Variants in PREX2 observed in about 807,000 individuals in gnomAD.
PREX2 encodes the protein phosphatidylinositol-3,4,5-trisphosphate dependent Rac exchange factor 2.
Under a neutral mutation model 203.2 loss-of-function variants are expected in PREX2, and 107 were observed. The ratio of observed to expected loss-of-function variants is 0.53; its 90% CI spans 0.45 to 0.62. PREX2 has a LOEUF of 0.62. Ranked by LOEUF, PREX2 falls within the 20% of genes least tolerant of loss-of-function variation. The pLI is 0.00. For synonymous variants in PREX2, 672 were observed against 663.6 expected, an observed-to-expected ratio of 1.01 and a Z score of -0.19; for missense variants, 1,777 against 1,955.9, an observed-to-expected ratio of 0.91 and a Z score of 1.72.
At chr8:68,148,023 A>C (rs1206408485) in intron 34 of PREX2, among the ~76,000 whole-genome samples, 1 of 152,020 alleles carries the variant, frequency 6.6e-6, no homozygotes, top group East Asian at 1.9e-4. Flanking sequence ...GAGGCAGGTG[A>C]ATCACCTGAG....
chr8:68,007,795 G>C (rs1807139167), intron 1 of PREX2, among the ~76,000 whole-genome samples: 1 of 152,142 alleles, frequency 6.6e-6, no homozygotes, highest in South Asian at 2.1e-4. Flanking sequence ...ATTTTTAGTA[G>C]AGACGGGGTT....
At chr8:67,995,986 C>T (rs1455135796) in intron 1 of PREX2, among the ~76,000 whole-genome samples, 7 of 152,102 alleles carry the variant, frequency 4.6e-5, no homozygotes, top group African/African-American at 1.4e-4. Context: ...CTCACCAATA[C>T]TTGGTATTGT....
intron 35 of PREX2, among the ~76,000 whole-genome samples, chr8:68,175,103 G>A (rs977578393): frequency 8.5e-5 from 13 of 152,302 alleles, no homozygotes; most frequent in South Asian, 4.1e-4. Context: ...TGAGATGCCC[G>A]AGGAGCACAG....
chr8:68,080,587 T>C lies in PREX2; in HGVS notation c.1785+2T>C, dbSNP rs767357900. On this transcript the variant is annotated splice_donor_variant, in intron 16 of 39. Transcript: ENST00000288368. LOFTEE classifies it high-confidence loss of function. ...AATGTTATAGCTAAGTCATTATTGGTAAGTTTATTGATATGTTATATAAGT... is the reference window on the plus strand; with the variant it reads ...AATGTTATAGCTAAGTCATTATTGGCAAGTTTATTGATATGTTATATAAGT... 6.3e-7 allele frequency: 1 copy of C among 1,594,432 alleles called. No individual in the cohort carries two copies. The highest frequency in any genetic ancestry group is 2.2e-5 in the East Asian group (1 of 44,690).
chr8:68,214,438 G>A (rs868345520), intron 37 of PREX2, among the ~76,000 whole-genome samples: 6 of 152,124 alleles, frequency 3.9e-5, no homozygotes, highest in Non-Finnish European at 8.8e-5. Context: ...AGGGTTCCTG[G>A]CCTTTAATAT....
intron 1 of PREX2, among the ~76,000 whole-genome samples, chr8:67,992,918 T>G (rs1806650313): frequency 6.6e-6 from 1 of 152,220 alleles, no homozygotes; most frequent in African/African-American, 2.4e-5. Flanking sequence ...AAACTTCAGC[T>G]GAACATAATT....
rs1343626584 is a variant in PREX2 at position 68,232,893 on chromosome 8, C to T, written c.*1515C>T. The T allele has an allele frequency of 1.3e-5, 2 of 152,224 alleles. No homozygotes were observed. The highest frequency in any genetic ancestry group is 2.9e-5 in the Non-Finnish European group (2 of 68,040). 9.4% of individuals were successfully genotyped at this position (152,224 alleles called of 1,614,324 possible). A position where few individuals can be genotyped will look rare whatever the true frequency, so the allele number is the denominator to read the frequency against. On this transcript the variant is annotated 3_prime_UTR_variant, in exon 40 of 40. Transcript: ENST00000288368. ...TCAGCCTCCCAAAGTGCTAGGATTA[C>T]AGGCGTGAGCCGCTGCTCCCGGCCC... is the stretch of plus-strand genomic sequence containing the variant.
intron 31 of PREX2, among the ~76,000 whole-genome samples, chr8:68,130,232 G>T (rs1810978412): frequency 6.6e-6 from 1 of 152,072 alleles, no homozygotes; most frequent in Non-Finnish European, 1.5e-5. Context: ...TGAACCTGCA[G>T]TGAGCTATGA....
Position 68,093,655 on chromosome 8 carries a change from C to A in PREX2, c.2301C>A (p.Asp767Glu), listed in dbSNP as rs1809962436. 1 of 1,611,780 alleles carries A rather than the reference C, an allele frequency of 6.2e-7. No homozygotes were observed. The highest frequency in any genetic ancestry group is 8.5e-7 in the Non-Finnish European group (1 of 1,178,122). ...ATAGCATTGAGAGTGCTCAAGAAGA[C>A]CTTCAAAAATCTCACTCCAAGCCCC... ...VYNSIESAQE[D>E]LQKSHSKPPG... Residue 767 changes from aspartate (D) to glutamate (E), a missense_variant, in exon 21 of 40, where the codon GAC (aspartate) becomes GAA (glutamate). Transcript: ENST00000288368.
intron 1 of PREX2, among the ~76,000 whole-genome samples, chr8:67,996,257 G>A (rs542135920): frequency 2.6e-5 from 4 of 152,144 alleles, no homozygotes; most frequent in Admixed American, 2.6e-4. Flanking sequence ...GTGCAGTGGT[G>A]TGATCACAGC....
chr8:68,224,143 C>A (rs111758962), intron 38 of PREX2, among the ~76,000 whole-genome samples: 28 of 152,214 alleles, frequency 1.8e-4, no homozygotes, highest in African/African-American at 2.4e-4. Flanking sequence ...TTTAGCCTTT[C>A]GAGTAGCTGG....
At chr8:68,152,466 C>T (rs867770787) in intron 34 of PREX2, among the ~76,000 whole-genome samples, 2 of 152,164 alleles carry the variant, frequency 1.3e-5, no homozygotes, top group African/African-American at 2.4e-5. Context: ...TCAGACAGCA[C>T]GGTTCCAATC....
intron 1 of PREX2, among the ~76,000 whole-genome samples, chr8:67,962,603 T>A (rs1298450961): frequency 2.6e-5 from 3 of 117,118 alleles, no homozygotes; most frequent in Admixed American, 9.0e-5. Flanking sequence ...TTTATATATT[T>A]TATTTTTTTT....
At chr8:68,109,235 A>G (rs1810483333) in intron 24 of PREX2, among the ~76,000 whole-genome samples, 181 bp from the exon 25 acceptor site, 1 of 152,222 alleles carries the variant, frequency 6.6e-6, no homozygotes, top group African/African-American at 2.4e-5. Flanking sequence ...GAAGTAATAC[A>G]TATGTTAATT....
chr8:68,083,794 T>C (rs4545081), intron 18 of PREX2, among the ~76,000 whole-genome samples: 80,945 of 151,960 alleles, frequency 0.53, 21,552 homozygotes, highest in South Asian at 0.56. Flanking sequence ...TCATAAGAGA[T>C]GCAAAAAAGA....
chr8:68,052,272 A>G (rs1010551271), intron 8 of PREX2, among the ~76,000 whole-genome samples: 1 of 152,082 alleles, frequency 6.6e-6, no homozygotes, highest in African/African-American at 2.4e-5. Context: ...AGGTTTTTCC[A>G]TCTTGGGATC....
intron 8 of PREX2, among the ~76,000 whole-genome samples, chr8:68,052,517 G>A (rs1362504887): frequency 2.0e-5 from 3 of 152,126 alleles, no homozygotes; most frequent in Non-Finnish European, 4.4e-5. Context: ...GGAATGAAGT[G>A]GCTTTAAAGA....
At chr8:68,115,701 T>C (rs1810640705) in intron 25 of PREX2, 52 bp from the exon 26 acceptor site, 2 of 1,312,156 alleles carry the variant, frequency 1.5e-6, no homozygotes, top group Non-Finnish European at 2.1e-6. Context: ...AAGGTAGTTA[T>C]ATATAGCAGA....
chr8:68,096,157 G>C (rs189319978), intron 21 of PREX2, among the ~76,000 whole-genome samples: 10 of 152,100 alleles, frequency 6.6e-5, no homozygotes, highest in African/African-American at 2.4e-4. Flanking sequence ...TTATTCTGAG[G>C]TTTGTATTCC....
Sources: gnomAD v4.1 joint callset for allele counts (sites outside exome capture counted in the v4.1 genomes callset) on GRCh38, gnomAD v4.1.1 for gene constraint, MANE v1.5 for transcripts, NCBI Gene and HGNC (gene_info 2026-07-23, HGNC 2026-07-21) for gene names.